SYT1: variants seen among roughly 807,000 people sequenced by gnomAD.
The protein encoded by SYT1 is synaptotagmin 1.
SYT1 carries 8 observed loss-of-function variants against 44.8 expected under a neutral mutation model. The observed-to-expected ratio is 0.18, with a 90% CI of 0.10 to 0.32. The LOEUF is 0.32. Ranked by LOEUF, SYT1 falls within the 10% of genes least tolerant of loss-of-function variation. The pLI, the probability that SYT1 is intolerant of heterozygous loss-of-function variation, is 1.00. For missense variants in SYT1, 286 were observed against 509.3 expected (o/e 0.56, Z 4.22); for synonymous variants, 154 against 188.8 (o/e 0.82, Z 1.51).
intron 1 of SYT1, among the ~76,000 whole-genome samples, chr12:78,920,217 A>T (rs1365923500): frequency 2.0e-5 from 3 of 152,020 alleles, no homozygotes; most frequent in Non-Finnish European, 4.4e-5. Context: ...TAGGTTAATA[A>T]TGTAGTGATG....
chr12:79,172,923 T>C (rs1274698614), intron 3 of SYT1, among the ~76,000 whole-genome samples: 1 of 115,164 alleles, frequency 8.7e-6, no homozygotes, highest in African/African-American at 3.4e-5. Flanking sequence ...TAAGTTTGTG[T>C]CAAGATACTA....
chr12:78,967,977 C>T (rs17046148), intron 1 of SYT1, among the ~76,000 whole-genome samples: 24,034 of 151,840 alleles, frequency 0.16, 2,241 homozygotes, highest in African/African-American at 0.26. Context: ...GAATTGAGAA[C>T]GAGGTATGGG....
At chr12:79,407,057 G>A (rs1306120362) in intron 9 of SYT1, among the ~76,000 whole-genome samples, 1 of 152,042 alleles carries the variant, frequency 6.6e-6, no homozygotes, top group Non-Finnish European at 1.5e-5. Context: ...AATAATGCTT[G>A]TTTCATCAAG....
At chr12:79,301,099 G>C (rs979095296) in intron 8 of SYT1, among the ~76,000 whole-genome samples, 1 of 151,936 alleles carries the variant, frequency 6.6e-6, no homozygotes, top group Non-Finnish European at 1.5e-5. Context: ...TTGACTTTGT[G>C]TAAATTTTTT....
intron 1 of SYT1, among the ~76,000 whole-genome samples, chr12:78,892,779 A>G (rs561788787): frequency 7.2e-5 from 11 of 151,944 alleles, no homozygotes; most frequent in African/African-American, 1.7e-4. Context: ...ATCTCAAGGG[A>G]AAAAGTTTAA....
intron 3 of SYT1, among the ~76,000 whole-genome samples, chr12:79,116,873 C>A (rs7958465): frequency 0.014 from 2,093 of 152,244 alleles, 45 homozygotes; most frequent in African/African-American, 0.048. Flanking sequence ...CCTGAGTAGG[C>A]AAGTTGCTCC....
chr12:79,010,259 T>G (rs1389525696), intron 2 of SYT1, among the ~76,000 whole-genome samples: 1 of 152,108 alleles, frequency 6.6e-6, no homozygotes, highest in Non-Finnish European at 1.5e-5. Context: ...AAGTTGAAGT[T>G]CAAGATTAGA....
At chr12:78,931,851 G>A (rs139939901) in intron 1 of SYT1, among the ~76,000 whole-genome samples, 215 of 152,322 alleles carry the variant, frequency 1.4e-3, no homozygotes, top group African/African-American at 4.5e-3. Context: ...AGAGAGCTGA[G>A]CAGTCAGGAG....
intron 3 of SYT1, among the ~76,000 whole-genome samples, chr12:79,208,357 A>T (rs1473934440): frequency 6.6e-6 from 1 of 152,242 alleles, no homozygotes; most frequent in Non-Finnish European, 1.5e-5. Flanking sequence ...AACTGCACAC[A>T]AAGCATAAAG....
intron 2 of SYT1, among the ~76,000 whole-genome samples, chr12:79,007,897 C>T (rs978369292): frequency 6.6e-5 from 10 of 152,114 alleles, no homozygotes; most frequent in East Asian, 1.9e-4. Flanking sequence ...TTCAGTCATT[C>T]GGCATTCAAC....
At chr12:78,995,048 C>T (rs1445544252) in intron 2 of SYT1, among the ~76,000 whole-genome samples, 1 of 152,112 alleles carries the variant, frequency 6.6e-6, no homozygotes, top group Non-Finnish European at 1.5e-5. Context: ...CCCTGGATCA[C>T]CTGGGGAGTT....
intron 4 of SYT1, among the ~76,000 whole-genome samples, chr12:79,274,862 A>G (rs1260943195): frequency 6.6e-6 from 1 of 152,200 alleles, no homozygotes; most frequent in African/African-American, 2.4e-5. Context: ...GAAAGCCACC[A>G]CACTAAGGCT....
At chr12:78,964,381 G>A (rs1879662927) in intron 1 of SYT1, among the ~76,000 whole-genome samples, 1 of 151,872 alleles carries the variant, frequency 6.6e-6, no homozygotes, top group Non-Finnish European at 1.5e-5. Flanking sequence ...TTCTTAGCAG[G>A]GTAACAGAGA....
At chr12:78,917,074 G>A (rs1027624234) in intron 1 of SYT1, among the ~76,000 whole-genome samples, 4 of 151,930 alleles carry the variant, frequency 2.6e-5, no homozygotes, top group Admixed American at 2.0e-4. Context: ...CCACAGGCAT[G>A]CACCACCATG....
At chr12:79,180,490 A>ATTT (rs1565843138) in intron 3 of SYT1, among the ~76,000 whole-genome samples, 21 of 18,722 alleles carry the variant, frequency 1.1e-3, no homozygotes, top group Non-Finnish European at 8.4e-4. Context: ...TTTTTTTTTA[A>ATTT]AAAAAGGAGT....
At chr12:79,051,113 G>A (rs930143869) in intron 3 of SYT1, among the ~76,000 whole-genome samples, 4 of 151,210 alleles carry the variant, frequency 2.6e-5, no homozygotes, top group Admixed American at 6.6e-5. Flanking sequence ...TGAAAGTGCT[G>A]TTATTAAAAA....
At position 79,107,054 on chromosome 12, in the gene SYT1, A is replaced by C. The variant is rs554179718; in HGVS notation, c.-18+59692A>C. 2.0e-5 allele frequency among the ~76,000 whole-genome samples: 3 copies of C among 152,122 alleles called. No homozygotes were observed. In the East Asian group the frequency reaches 5.8e-4, roughly 29 times the overall value. ...TCTATATAAATAAAATTATAAATGG[A>C]ATTAAGAAATAATAAAACTTATGTA... is the stretch of plus-strand genomic sequence containing the variant. On this transcript the variant is annotated intron_variant, in intron 3 of 10. Coordinates refer to ENST00000261205, the MANE Select transcript of SYT1 (RefSeq NM_005639.3).
intron 9 of SYT1, among the ~76,000 whole-genome samples, chr12:79,372,448 TG>T (rs2136051884): frequency 6.6e-6 from 1 of 152,224 alleles, no homozygotes; most frequent in East Asian, 1.9e-4. Flanking sequence ...CTAGCTATGT[TG>T]TTGTGTGATT....
intron 8 of SYT1, among the ~76,000 whole-genome samples, chr12:79,311,899 A>G (rs1322911820): frequency 1.4e-5 from 2 of 144,330 alleles, no homozygotes; most frequent in East Asian, 2.1e-4. Context: ...GGATAGCATT[A>G]GGAGATATAC....
Sources: gnomAD v4.1 joint callset for allele counts (sites outside exome capture counted in the v4.1 genomes callset) on GRCh38, gnomAD v4.1.1 for gene constraint, MANE v1.5 for transcripts, NCBI Gene and HGNC (gene_info 2026-07-23, HGNC 2026-07-21) for gene names.